Variants in HDAC4 observed in about 807,000 individuals in gnomAD.
HDAC4 encodes the protein histone deacetylase A.
HDAC4 carries 16 observed loss-of-function variants against 135.1 expected under a neutral mutation model. The ratio of observed to expected loss-of-function variants is 0.12; its 90% CI spans 0.08 to 0.18. The LOEUF (loss-of-function observed/expected upper bound fraction) is 0.18. Among genes scored for constraint, HDAC4 ranks in the 10% least tolerant of loss-of-function variants. HDAC4 has a pLI of 1.00. For missense variants in HDAC4, 1,143 were observed against 1,511.8 expected, an observed-to-expected ratio of 0.76 and a Z score of 4.05; for synonymous variants, 685 against 653.4, an observed-to-expected ratio of 1.05 and a Z score of -0.74.
chr2:239,181,634 C>T lies in HDAC4; in HGVS notation c.340-5071G>A, dbSNP rs150974203. Among the ~76,000 whole-genome samples, 54 of 152,376 alleles carry T rather than the reference C, an allele frequency of 3.5e-4. 1 individual carries two copies. In the Middle Eastern group the frequency reaches 0.014, roughly 38 times the overall value. On this transcript the variant is annotated intron_variant, in intron 4 of 26. Coordinates refer to ENST00000543185, the MANE Select transcript of HDAC4 (RefSeq NM_001378414.1). ...GGCAGCGCTGGCCTCCGAAGACTCA[C>T]AGGCGGCCCATAGCACGCTGGCTGG...
intron 6 of HDAC4, among the ~76,000 whole-genome samples, chr2:239,157,240 T>C (rs1254658097): frequency 6.6e-6 from 1 of 152,206 alleles, no homozygotes; most frequent in East Asian, 1.9e-4. Flanking sequence ...ACAAACGCTG[T>C]GATGTGTGGG....
intron 3 of HDAC4, among the ~76,000 whole-genome samples, chr2:239,227,612 G>C (rs2047315081): frequency 6.6e-6 from 1 of 152,200 alleles, no homozygotes; most frequent in African/African-American, 2.4e-5. Flanking sequence ...CAGACAGAGA[G>C]AAGGGAAGAC....
chr2:239,377,814 G>C (rs755392020), intron 1 of HDAC4, among the ~76,000 whole-genome samples: 2 of 152,134 alleles, frequency 1.3e-5, no homozygotes, highest in Non-Finnish European at 2.9e-5. Context: ...CGGCCAGGCA[G>C]ACAAGCCCAG....
At chr2:239,174,136 A>G (rs1277656939) in intron 5 of HDAC4, among the ~76,000 whole-genome samples, 1 of 152,236 alleles carries the variant, frequency 6.6e-6, no homozygotes, top group Non-Finnish European at 1.5e-5. Flanking sequence ...AAGAAAGGAA[A>G]GATTTCTTAA....
intron 15 of HDAC4, among the ~76,000 whole-genome samples, chr2:239,106,764 G>A (rs1017918869): frequency 1.2e-4 from 19 of 152,168 alleles, no homozygotes; most frequent in Non-Finnish European, 2.1e-4. Context: ...CCTGCAGGGC[G>A]GGACCCTGCA....
chr2:239,110,935 C>T (rs1263221921), intron 14 of HDAC4, among the ~76,000 whole-genome samples: 5 of 152,226 alleles, frequency 3.3e-5, no homozygotes, highest in South Asian at 4.1e-4. Flanking sequence ...CCGTGGTGGA[C>T]GCCTTACTTG....
intron 1 of HDAC4, among the ~76,000 whole-genome samples, chr2:239,353,481 C>T (rs1342354132): frequency 2.6e-5 from 4 of 152,114 alleles, no homozygotes; most frequent in African/African-American, 9.7e-5. Flanking sequence ...TTTTGGTTTG[C>T]GTATTTAGGT....
At chr2:239,380,139 C>T (rs1165607799) in intron 1 of HDAC4, among the ~76,000 whole-genome samples, 3 of 152,212 alleles carry the variant, frequency 2.0e-5, no homozygotes, top group African/African-American at 7.2e-5. Flanking sequence ...AGGCTCGATT[C>T]ATTCAGAGAA....
intron 2 of HDAC4, among the ~76,000 whole-genome samples, chr2:239,237,044 C>T (rs550066185): frequency 3.9e-5 from 6 of 152,190 alleles, no homozygotes; most frequent in South Asian, 2.1e-4. Context: ...TAGTGACAAA[C>T]GGTCTGGACG....
At chr2:239,267,075 G>A (rs530699987) in intron 2 of HDAC4, among the ~76,000 whole-genome samples, 9 of 151,908 alleles carry the variant, frequency 5.9e-5, no homozygotes, top group Admixed American at 2.0e-4. Context: ...TGGTCTCCGC[G>A]GCAGCTGTAC....
chr2:239,245,940 G>A lies in HDAC4; in HGVS notation c.23-9276C>T, dbSNP rs112484859. Among the ~76,000 whole-genome samples, 28 of 152,288 alleles carry A rather than the reference G, an allele frequency of 1.8e-4. No individual in the cohort carries two copies. The highest frequency in any genetic ancestry group is 3.4e-4 in the Non-Finnish European group (23 of 68,030). ...GAGCAGGCCCTGAGCGTCTGGGAAC[G>A]TGAGAGTGAGCAACGCAGAGGCCTG... On this transcript the variant is annotated intron_variant, in intron 2 of 26. Transcript: ENST00000543185. This position sits in a 1 kb window ranked among gnomAD's most constrained non-coding sequence, Gnocchi z 4.4.
At chr2:239,373,774 T>G (rs1003117839) in intron 1 of HDAC4, among the ~76,000 whole-genome samples, 14 of 152,254 alleles carry the variant, frequency 9.2e-5, no homozygotes, top group African/African-American at 3.1e-4. Context: ...TTGACTTTGT[T>G]GCTAATATCT....
At chr2:239,170,761 CAG>C (rs1483085049) in intron 5 of HDAC4, among the ~76,000 whole-genome samples, 3 of 152,196 alleles carry the variant, frequency 2.0e-5, no homozygotes, top group Non-Finnish European at 4.4e-5. Flanking sequence ...AGGTCAGAAA[CAG>C]GGACCGCGGG....
chr2:239,120,599 A>G (rs2039589522), intron 12 of HDAC4, among the ~76,000 whole-genome samples: 1 of 58,656 alleles, frequency 1.7e-5, no homozygotes, highest in Non-Finnish European at 3.3e-5. Context: ...AAGGTGGGGG[A>G]GGGAAATGGG....
rs140167527 is a variant in HDAC4, at chr2:239,315,198, A to T, written c.22+37480T>A. ...TTGTCCCGCGTTTCTGGACTGGACC[A>T]ATGTTCATCTTCCACATACTGACAG... On this transcript the variant is annotated intron_variant, in intron 2 of 26. Coordinates refer to ENST00000543185, the MANE Select transcript of HDAC4 (RefSeq NM_001378414.1). 1.8e-3 allele frequency among the ~76,000 whole-genome samples: 281 copies of T among 152,300 alleles called. 1 individual carries two copies. The highest frequency in any genetic ancestry group is 6.5e-3 in the African/African-American group (271 of 41,562).
intron 1 of HDAC4, among the ~76,000 whole-genome samples, chr2:239,354,049 TAA>T (rs1457436217): frequency 6.6e-6 from 1 of 152,172 alleles, no homozygotes; most frequent in Non-Finnish European, 1.5e-5. Context: ...GTTAAGTATT[TAA>T]AAAGTCATCC....
intron 16 of HDAC4, among the ~76,000 whole-genome samples, chr2:239,096,743 C>T (rs1180005888): frequency 5.0e-5 from 7 of 140,322 alleles, no homozygotes; most frequent in Non-Finnish European, 7.7e-5. Context: ...GACATCCACA[C>T]GGACACCAGC....
At chr2:239,219,262 A>G (rs1445234141) in intron 3 of HDAC4, among the ~76,000 whole-genome samples, 5 of 152,000 alleles carry the variant, frequency 3.3e-5, no homozygotes, top group Non-Finnish European at 7.4e-5. Flanking sequence ...AATGTGGCAC[A>G]TATACACCAT....
chr2:239,347,766 C>T (rs4852050), intron 2 of HDAC4, among the ~76,000 whole-genome samples: 15,923 of 152,158 alleles, frequency 0.1, 1,567 homozygotes, highest in East Asian at 0.43. Context: ...CTGCCCACCT[C>T]GGCCTCTCAA....
Sources: gnomAD v4.1 joint callset for allele counts (sites outside exome capture counted in the v4.1 genomes callset) on GRCh38, gnomAD v4.1.1 for gene constraint, Gnocchi (gnomAD v3.1) non-coding constraint, MANE v1.5 for transcripts, NCBI Gene and HGNC (gene_info 2026-07-23, HGNC 2026-07-21) for gene names.